INF2: variants seen among roughly 807,000 people sequenced by gnomAD.
INF2 encodes the protein inverted formin-2.
In INF2, 43 loss-of-function variants were observed where a neutral mutation model predicts 123.5. That is an observed-to-expected ratio of 0.35 (90% CI 0.27 to 0.45). The LOEUF (loss-of-function observed/expected upper bound fraction) is 0.45. INF2 is among the 20% of genes least tolerant of loss of function. The pLI is 1.00. For missense variants in INF2, 1,453 were observed against 1,682.7 expected (o/e 0.86, Z 2.39); for synonymous variants, 851 against 745.0 (o/e 1.14, Z -2.32).
intron 1 of INF2, among the ~76,000 whole-genome samples, chr14:104,696,125 T>C (rs4275790): frequency 0.64 from 97,942 of 152,102 alleles, 31,948 homozygotes; most frequent in African/African-American, 0.75. Context: ...CTGATCATGA[T>C]GCTGCTGAGA....
rs1423560774 is a variant in INF2, at chr14:104,719,913, G to C, written c.*1120G>C. The C allele has an allele frequency of 6.6e-6, 1 of 152,402 alleles. No homozygotes were observed. Among genetic ancestry groups the C allele is most frequent in the African/African-American group, 2.4e-5 (1 of 41,462 alleles). 9.4% of individuals were successfully genotyped at this position (152,402 alleles called of 1,614,324 possible). A position where few individuals can be genotyped will look rare whatever the true frequency, so the allele number is the denominator to read the frequency against. ...ATCCAACAGTGGTGAGATGGGTGCA[G>C]CTCTACAGGGGCGTAATTTACAAAC... On this transcript the variant is annotated 3_prime_UTR_variant, in exon 23 of 23. Transcript: ENST00000392634.
At chr14:104,689,595 C>A, upstream of INF2, 12 of 625,444 alleles carry the variant, frequency 1.9e-5, no homozygotes, top group Non-Finnish European at 2.4e-5. Context: ...CTTCCTCCCG[C>A]CCGCCCCGCC....
At chr14:104,708,308 T>C in intron 8 of INF2, 128 bp from the exon 9 acceptor site, 1 of 1,235,058 alleles carries the variant, frequency 8.1e-7, no homozygotes, top group South Asian at 1.4e-5. Context: ...TGCTGTACGC[T>C]GGACCTGGAC....
chr14:104,708,082 A>G (rs915399302), intron 8 of INF2, 80 bp downstream of exon 8: 32 of 1,589,878 alleles, frequency 2.0e-5, no homozygotes, highest in Admixed American at 6.8e-5. Context: ...CAGGTGGCAC[A>G]TGGAACTTGT....
intron 8 of INF2, 115 bp from the exon 9 acceptor site, chr14:104,708,321 A>C (rs1376650589): frequency 3.0e-6 from 4 of 1,338,862 alleles, no homozygotes; most frequent in African/African-American, 1.5e-5. Context: ...ACCTGGACCT[A>C]CTGGGCCCCA....
At chr14:104,716,923 C>T (rs967331435) in intron 22 of INF2, among the ~76,000 whole-genome samples, 4 of 152,164 alleles carry the variant, frequency 2.6e-5, no homozygotes, top group Admixed American at 2.6e-4. Context: ...AACTCCTGAC[C>T]TCAGGTGATC....
chr14:104,685,882 G>GATGA (rs1166525666), upstream of INF2, among the ~76,000 whole-genome samples: 1 of 124,370 alleles, frequency 8.0e-6, no homozygotes, highest in Non-Finnish European at 1.6e-5. Context: ...TGGGTGGATG[G>GATGA]ATGAATGAAT....
At chr14:104,693,479 C>A (rs1049612893) in intron 1 of INF2, among the ~76,000 whole-genome samples, 3 of 152,200 alleles carry the variant, frequency 2.0e-5, no homozygotes, top group African/African-American at 7.2e-5. Context: ...TGAGGCTAAC[C>A]CAGGGCACAG....
At chr14:104,710,246 G>C in intron 13 of INF2, 58 bp downstream of exon 13, 1 of 1,336,436 alleles carries the variant, frequency 7.5e-7, no homozygotes. Context: ...AACCGGGGCG[G>C]GAGGGCTGCT....
intron 5 of INF2, chr14:104,704,647 C>T (rs1889690778): frequency 6.5e-6 from 1 of 152,808 alleles, no homozygotes; most frequent in African/African-American, 2.4e-5. Flanking sequence ...TTCCCGTCAC[C>T]CCAGTCTATG....
At chr14:104,686,715 G>C (rs1888673457), upstream of INF2, among the ~76,000 whole-genome samples, 1 of 152,216 alleles carries the variant, frequency 6.6e-6, no homozygotes, top group Non-Finnish European at 1.5e-5. Context: ...TGCTGCTCAG[G>C]TGGACCCCAG....
chr14:104,708,511 G>A lies in INF2; in HGVS notation c.1811G>A (p.Arg604Gln), dbSNP rs752971046. 5.9e-5 allele frequency: 95 copies of A among 1,612,376 alleles called. No individual in the cohort carries two copies. Among genetic ancestry groups the A allele is most frequent in the Non-Finnish European group, 7.6e-5 (90 of 1,179,820 alleles). The part of the protein sequence containing the change: ...AVEPDFSSIE[R>Q]LFSFPAAKPK... ...GAGCCCGACTTCTCCAGCATCGAGC[G>A]ACTATTCTCCTTCCCTGCAGCCAAG... The change falls in exon 9 of 23, where the codon CGA becomes CAA. Residue 604 changes from arginine to glutamine, a missense_variant. Arg to Gln is a conservative substitution (Grantham distance 43). Transcript: ENST00000392634.
rs1890124476 is a variant in INF2, at chr14:104,713,016, G to C, written c.2775+24G>C. ...AGGTGGGGCAGCCCGGCGGGACACAGCCTGTCTGGCTAGAGTGGGGTCCCG... is the reference window on the plus strand; with the variant it reads ...AGGTGGGGCAGCCCGGCGGGACACACCCTGTCTGGCTAGAGTGGGGTCCCG... On this transcript the variant is annotated intron_variant, in intron 18 of 22. Coordinates refer to ENST00000392634, the MANE Select transcript of INF2 (RefSeq NM_022489.4). 2.5e-6 allele frequency: 4 copies of C among 1,611,524 alleles called. No individual in the cohort carries two copies. The African/African-American group carries it at 4.0e-5, about 16-fold the overall frequency.
At chr14:104,718,651 G>GTCA (rs1890429987) in intron 22 of INF2, 144 bp from the exon 23 acceptor site, 2 of 1,433,732 alleles carry the variant, frequency 1.4e-6, no homozygotes, top group African/African-American at 2.8e-5. Flanking sequence ...AGAGCCTGGG[G>GTCA]TCAGAGTGGA....
At chr14:104,702,407 G>T (rs953480585) in intron 2 of INF2, among the ~76,000 whole-genome samples, 3 of 152,240 alleles carry the variant, frequency 2.0e-5, no homozygotes, top group African/African-American at 7.2e-5. Flanking sequence ...TCACTTTCCT[G>T]TCCTCCAGGA....
intron 5 of INF2, among the ~76,000 whole-genome samples, chr14:104,705,384 T>C (rs966446606): frequency 2.0e-5 from 3 of 151,208 alleles, no homozygotes; most frequent in African/African-American, 7.3e-5. Flanking sequence ...ACCACTGCAC[T>C]CCAGCATGGG....
rs1280378650 is a variant in INF2, at chr14:104,681,545, G to A, written c.-141G>A. The stretch of plus-strand genomic sequence containing the variant: ...GCAAACTCCACGTCTTATGAAATTA[G>A]CACTGGATTTCCACTTCAATTGGAA... On this transcript the variant is annotated 5_prime_UTR_variant, in exon 1 of 3. Coordinates refer to the INF2 transcript ENST00000674723. 7 of 1,288,798 alleles carry A rather than the reference G, an allele frequency of 5.4e-6. No individual in the cohort carries two copies. The South Asian group carries it at 6.2e-5, about 11-fold the overall frequency. The allele number at this position is 1,288,798 out of a possible 1,614,324, so 79.8% of individuals were successfully genotyped here. A position where few individuals can be genotyped will look rare whatever the true frequency, so the allele number is the denominator to read the frequency against.
chr14:104,694,791 G>T (rs888793932), intron 1 of INF2, among the ~76,000 whole-genome samples: 2 of 152,156 alleles, frequency 1.3e-5, no homozygotes, highest in Admixed American at 6.5e-5. Context: ...AGCTGCTAGC[G>T]GGGATGTAGG....
In INF2 at chr14:104,701,391, G is replaced by A. The variant is rs529349803; in HGVS notation, c.26G>A (p.Arg9His). 2 of 1,590,486 alleles carry A rather than the reference G, an allele frequency of 1.3e-6. No homozygotes were observed. The highest frequency in any genetic ancestry group is 1.1e-5 in the South Asian group (1 of 87,924). MSVKEGAQ[R>H]KWAALKEKLG... ...ATGTCGGTGAAGGAGGGCGCACAGCGCAAGTGGGCAGCGCTGAAGGAGAAG... is the reference window on the plus strand; with the variant it reads ...ATGTCGGTGAAGGAGGGCGCACAGCACAAGTGGGCAGCGCTGAAGGAGAAG... Residue 9 changes from arginine to histidine, a missense_variant, in exon 2 of 23, where the codon CGC (arginine) becomes CAC (histidine). This residue lies in a region of INF2 where 43 missense variants were observed against 44.7 expected (regional missense o/e 0.96). Coordinates refer to ENST00000392634, the MANE Select transcript of INF2 (RefSeq NM_022489.4).
Sources: gnomAD v4.1 joint callset for allele counts (sites outside exome capture counted in the v4.1 genomes callset) on GRCh38, gnomAD v4.1.1 for gene constraint, gnomAD v4.1.1 regional missense constraint, MANE v1.5 for transcripts, NCBI Gene and HGNC (gene_info 2026-07-23, HGNC 2026-07-21) for gene names.